DCC: variants seen among roughly 807,000 people sequenced by gnomAD.
DCC encodes netrin receptor DCC.
DCC carries 58 observed loss-of-function variants against 172.5 expected under a neutral mutation model. That is an observed-to-expected ratio of 0.34 (90% confidence interval 0.27 to 0.42). DCC has a LOEUF of 0.42. DCC is among the 10% of genes least tolerant of loss of function. DCC has a pLI of 1.00. For missense variants in DCC, 1,740 were observed against 1,791.0 expected (o/e 0.97, Z 0.51); for synonymous variants, 709 against 644.5 (o/e 1.10, Z -1.52).
At chr18:52,986,461 C>CT (rs1208452952) in intron 5 of DCC, among the ~76,000 whole-genome samples, 1 of 152,082 alleles carries the variant, frequency 6.6e-6, no homozygotes, top group East Asian at 1.9e-4. Flanking sequence ...CTCCCACCTC[C>CT]TAAGAGGCTT....
chr18:53,045,664 T>G (rs2144016207), intron 5 of DCC, among the ~76,000 whole-genome samples: 1 of 151,990 alleles, frequency 6.6e-6, no homozygotes, highest in East Asian at 1.9e-4. Flanking sequence ...CTAGACTTCT[T>G]TTGATTTGCC....
chr18:52,832,559 C>CT (rs756492152), intron 2 of DCC, among the ~76,000 whole-genome samples: 15 of 152,076 alleles, frequency 9.9e-5, no homozygotes, highest in Non-Finnish European at 1.6e-4. Flanking sequence ...CAAAAACAGT[C>CT]TTAATAGCTT....
chr18:53,470,727 G>A (rs576792946), intron 25 of DCC, among the ~76,000 whole-genome samples: 1 of 152,218 alleles, frequency 6.6e-6, no homozygotes, highest in South Asian at 2.1e-4. Context: ...AGGAAAGAGA[G>A]AGAGAGAGAA....
At chr18:53,203,202 TGTGTGTGTGTGTGTG>T (rs1191755493) in intron 9 of DCC, among the ~76,000 whole-genome samples, 4 of 90,034 alleles carry the variant, frequency 4.4e-5, no homozygotes, top group African/African-American at 8.4e-5. Flanking sequence ...TAGATTCTCT[TGTGTGTGTGTGTGTG>T]TGTGTGTGTG....
At chr18:52,620,735 G>A (rs563318847) in intron 1 of DCC, among the ~76,000 whole-genome samples, 23 of 152,142 alleles carry the variant, frequency 1.5e-4, no homozygotes, top group African/African-American at 4.3e-4. Flanking sequence ...GACGATGTCG[G>A]AGGAAAAAAA....
At chr18:52,413,535 G>T (rs1005475019) in intron 1 of DCC, among the ~76,000 whole-genome samples, 2 of 151,974 alleles carry the variant, frequency 1.3e-5, no homozygotes, top group South Asian at 4.2e-4. Context: ...AATGATAAAA[G>T]TTATTTATTG....
At chr18:52,386,340 T>C (rs962897868) in intron 1 of DCC, among the ~76,000 whole-genome samples, 5 of 152,104 alleles carry the variant, frequency 3.3e-5, no homozygotes, top group Non-Finnish European at 7.4e-5. Flanking sequence ...GATATAGCTT[T>C]CATTTTTTGC....
intron 1 of DCC, among the ~76,000 whole-genome samples, chr18:52,342,280 C>CGT (rs10535247): frequency 0.23 from 34,106 of 150,172 alleles, 4,215 homozygotes; most frequent in Non-Finnish European, 0.3. Context: ...TGTGTGTGTG[C>CGT]GTGTGTGTGT....
chr18:53,278,728 G>T (rs892109461), intron 12 of DCC, among the ~76,000 whole-genome samples: 4 of 152,058 alleles, frequency 2.6e-5, no homozygotes, highest in Non-Finnish European at 5.9e-5. Flanking sequence ...TTTGAAACAG[G>T]GTTGATCATG....
At chr18:52,730,670 C>A (rs1378373049) in intron 1 of DCC, among the ~76,000 whole-genome samples, 1 of 152,146 alleles carries the variant, frequency 6.6e-6, no homozygotes, top group Non-Finnish European at 1.5e-5. Flanking sequence ...CTGACACTGG[C>A]TGAATTCAAA....
At chr18:53,199,606 A>C (rs1047597486) in intron 9 of DCC, among the ~76,000 whole-genome samples, 5 of 34,110 alleles carry the variant, frequency 1.5e-4, no homozygotes, top group African/African-American at 4.9e-4. Context: ...ATATGTAAGA[A>C]CATATATATA....
intron 1 of DCC, among the ~76,000 whole-genome samples, chr18:52,482,560 C>T (rs2144585676): frequency 7.4e-6 from 1 of 135,426 alleles, no homozygotes; most frequent in Admixed American, 7.6e-5. Flanking sequence ...TGTATCCTCA[C>T]ATGGTAGAAA....
chr18:53,499,328 C>G lies in DCC; in HGVS notation c.3929C>G (p.Pro1310Arg). 6.2e-7 allele frequency: 1 copy of G among 1,614,066 alleles called. No homozygotes were observed. Among genetic ancestry groups the G allele is most frequent in the Non-Finnish European group, 8.5e-7 (1 of 1,180,004 alleles). Residue 1310 changes from proline to arginine, a missense_variant, in exon 27 of 29, where the codon CCA becomes CGA. Coordinates refer to ENST00000442544, the MANE Select transcript of DCC (RefSeq NM_005215.4). Reference protein sequence around the residue: ...SVSEGPTTQQPPMLPPSQPEH... With the variant: ...SVSEGPTTQQRPMLPPSQPEH... ...AGTGAAGGACCAACTACCCAACAAC[C>G]ACCTATGCTGCCCCCATCTCAGCCT... is the stretch of plus-strand genomic sequence containing the variant.
intron 2 of DCC, among the ~76,000 whole-genome samples, chr18:52,895,817 CT>C (rs1456534720): frequency 6.6e-6 from 1 of 152,074 alleles, no homozygotes; most frequent in Non-Finnish European, 1.5e-5. Context: ...CAGACTGTTG[CT>C]GTGTTGCCCA....
At chr18:53,333,347 T>C (rs1599033618) in intron 14 of DCC, among the ~76,000 whole-genome samples, 1 of 152,276 alleles carries the variant, frequency 6.6e-6, no homozygotes, top group East Asian at 1.9e-4. Context: ...TGTAAAGAAA[T>C]ATAGGCTATT....
At chr18:53,501,466 C>G (rs2046096557) in intron 27 of DCC, among the ~76,000 whole-genome samples, 1 of 152,036 alleles carries the variant, frequency 6.6e-6, no homozygotes, top group South Asian at 2.1e-4. Flanking sequence ...TAAATTAAAT[C>G]ATTAGAAGAA....
chr18:53,244,503 G>A (rs7237261), intron 12 of DCC, among the ~76,000 whole-genome samples: 5,182 of 152,168 alleles, frequency 0.034, 307 homozygotes, highest in African/African-American at 0.12. Flanking sequence ...TCAGCTGTGT[G>A]GTTCTTCTGC....
intron 8 of DCC, among the ~76,000 whole-genome samples, chr18:53,174,494 A>C (rs1371556755): frequency 1.3e-5 from 2 of 149,116 alleles, no homozygotes; most frequent in Non-Finnish European, 3.0e-5. Context: ...TAAAGGGGAT[A>C]TCACCACCGA....
chr18:53,181,884 C>G (rs1170804117), intron 9 of DCC, among the ~76,000 whole-genome samples: 2 of 152,168 alleles, frequency 1.3e-5, no homozygotes, highest in South Asian at 2.1e-4. Flanking sequence ...GGGCCCATGA[C>G]CTGTGATGGC....
Sources: gnomAD v4.1 joint callset for allele counts (sites outside exome capture counted in the v4.1 genomes callset) on GRCh38, gnomAD v4.1.1 for gene constraint, MANE v1.5 for transcripts, NCBI Gene and HGNC (gene_info 2026-07-23, HGNC 2026-07-21) for gene names.